Variants in EFNB2 observed in about 807,000 individuals in gnomAD.
EFNB2 encodes ephrin B2, also known as ephrin-B2.
Under a neutral mutation model 32.1 loss-of-function variants are expected in EFNB2, and 5 were observed. That is an observed-to-expected ratio of 0.16 (90% confidence interval 0.08 to 0.33). EFNB2 has a LOEUF of 0.33. Among genes scored for constraint, EFNB2 ranks in the 10% least tolerant of loss-of-function variants. The pLI, the probability that EFNB2 is intolerant of heterozygous loss-of-function variation, is 1.00. For synonymous variants in EFNB2, 168 were observed against 166.5 expected, an observed-to-expected ratio of 1.01 and a Z score of -0.07; for missense variants, 263 against 422.6, an observed-to-expected ratio of 0.62 and a Z score of 3.31.
intron 1 of EFNB2, among the ~76,000 whole-genome samples, chr13:106,533,989 T>A (rs1335080145): frequency 1.3e-5 from 2 of 152,192 alleles, no homozygotes; most frequent in African/African-American, 4.8e-5. Context: ...CGCTCCCGGC[T>A]GTAGAGTCCG....
At chr13:106,495,471 A>ATATC (rs367670305) in intron 3 of EFNB2, among the ~76,000 whole-genome samples, 6,025 of 149,364 alleles carry the variant, frequency 0.04, 178 homozygotes, top group African/African-American at 0.088. Context: ...TTAAAAAGAA[A>ATATC]TATCTATCTA....
chr13:106,503,312 G>T (rs1021206987), intron 2 of EFNB2, among the ~76,000 whole-genome samples: 5 of 152,068 alleles, frequency 3.3e-5, no homozygotes, highest in Non-Finnish European at 2.9e-5. Context: ...TAATTTAAGG[G>T]ACCGTTTCTT....
Position 106,490,477 on chromosome 13 carries a change from C to T in EFNB2, c.*2563G>A, listed in dbSNP as rs910716780. The T allele has an allele frequency of 6.6e-6, 1 of 152,206 alleles. No homozygotes were observed. Among genetic ancestry groups the T allele is most frequent in the Non-Finnish European group, 1.5e-5 (1 of 68,036 alleles). The allele number at this position is 152,206 out of a possible 1,614,324, so 9.4% of individuals were successfully genotyped here. A position where few individuals can be genotyped will look rare whatever the true frequency, so the allele number is the denominator to read the frequency against. On this transcript the variant is annotated 3_prime_UTR_variant, in exon 5 of 5. Coordinates refer to ENST00000646441, the MANE Select transcript of EFNB2 (RefSeq NM_004093.4). Reference sequence around the variant, plus strand: ...ACACTTTTCAATTGGTTGCAGGGAACTCTTTTATCAATTCATCTGATTTTT... The same window carrying T: ...ACACTTTTCAATTGGTTGCAGGGAATTCTTTTATCAATTCATCTGATTTTT...
intron 1 of EFNB2, 105 bp downstream of exon 1, chr13:106,534,738 T>C: frequency 7.4e-7 from 1 of 1,358,260 alleles, no homozygotes; most frequent in Non-Finnish European, 9.8e-7. Context: ...GGAACCGAGG[T>C]TCCAGAAACA....
At position 106,490,858 on chromosome 13, in the gene EFNB2, G is replaced by A. The variant is rs189418599; in HGVS notation, c.*2182C>T. The A allele has an allele frequency of 1.3e-5, 2 of 152,538 alleles. No individual in the cohort carries two copies. Among genetic ancestry groups the A allele is most frequent in the African/African-American group, 4.8e-5 (2 of 41,490 alleles). The allele number at this position is 152,538 out of a possible 1,614,324, so 9.4% of individuals were successfully genotyped here. On this transcript the variant is annotated 3_prime_UTR_variant, in exon 5 of 5. Coordinates refer to ENST00000646441, the MANE Select transcript of EFNB2 (RefSeq NM_004093.4). ...TGGACCAACATCATTTCCAGGTTCA[G>A]GAAATAGAGGATCATAATTTCTGTG... is the stretch of plus-strand genomic sequence containing the variant.
intron 1 of EFNB2, chr13:106,516,368 C>T (rs1364202297): frequency 6.6e-6 from 1 of 152,270 alleles, no homozygotes; most frequent in Non-Finnish European, 1.5e-5. Context: ...ACCTCCAGAA[C>T]CACTAATAAT....
In EFNB2 at chr13:106,534,942, A is replaced by C; in HGVS notation, c.23T>G (p.Val8Gly). Residue 8 changes from valine to glycine, a missense_variant, in exon 1 of 5, where the codon GTG (valine) becomes GGG (glycine). By Grantham distance (109) the Val-to-Gly change is moderately radical. Coordinates refer to ENST00000646441, the MANE Select transcript of EFNB2 (RefSeq NM_004093.4). ...CAAAACACCCCAGCAGTACTTCCACACGGAGTCCCTTCTCACAGCCATGGC... is the reference window on the plus strand; with the variant it reads ...CAAAACACCCCAGCAGTACTTCCACCCGGAGTCCCTTCTCACAGCCATGGC... MAVRRDS[V>G]WKYCWGVLMV... The C allele has an allele frequency of 6.2e-7, 1 of 1,613,350 alleles. No individual in the cohort carries two copies. Among genetic ancestry groups the C allele is most frequent in the African/African-American group, 1.3e-5 (1 of 75,032 alleles).
intron 1 of EFNB2, among the ~76,000 whole-genome samples, chr13:106,522,355 T>C (rs1879551737): frequency 6.6e-6 from 1 of 152,192 alleles, no homozygotes; most frequent in Non-Finnish European, 1.5e-5. Context: ...CAAGAGTCTA[T>C]AAAGGAAGGT....
At chr13:106,498,898 A>G (rs1878679899) in intron 2 of EFNB2, among the ~76,000 whole-genome samples, 1 of 152,168 alleles carries the variant, frequency 6.6e-6, no homozygotes, top group Non-Finnish European at 1.5e-5. Context: ...GTGACTTGCA[A>G]AGGGTACTGG....
intron 2 of EFNB2, among the ~76,000 whole-genome samples, chr13:106,504,255 T>C (rs1363245009): frequency 6.6e-6 from 1 of 152,234 alleles, no homozygotes; most frequent in Non-Finnish European, 1.5e-5. Context: ...AATGACCCAG[T>C]AATTGCGAGA....
rs893787101 is a variant in EFNB2, at chr13:106,492,862, G to A, written c.*178C>T. The A allele has an allele frequency of 7.8e-5, 61 of 784,858 alleles. No individual in the cohort carries two copies. The Middle Eastern group carries it at 1.6e-3, about 20-fold the overall frequency. The allele number at this position is 784,858 out of a possible 1,614,324, so 48.6% of individuals were successfully genotyped here. ...GGGAGCGTGTGTGTTCACCAAGGCC[G>A]AATGCTACAAGACTAGGTAAGCTGT... On this transcript the variant is annotated 3_prime_UTR_variant, in exon 5 of 5. Transcript: ENST00000646441. This position sits in a 1 kb window ranked among gnomAD's most constrained non-coding sequence, Gnocchi z 5.1.
At chr13:106,517,754 G>GA (rs1226010551) in intron 1 of EFNB2, 1 of 152,148 alleles carries the variant, frequency 6.6e-6, no homozygotes, top group Non-Finnish European at 1.5e-5. Context: ...ATCAAATATA[G>GA]ACACAATATA....
Position 106,535,195 on chromosome 13 carries a change from A to T in EFNB2, c.-231T>A, listed in dbSNP as rs868624055. ...CGCGCGGGGCGCGGCGGCGCGGCGG[A>T]CTCGGGGTTCCGGGGCGCCGCGCCG... On this transcript the variant is annotated 5_prime_UTR_variant, in exon 1 of 5. Coordinates refer to ENST00000646441, the MANE Select transcript of EFNB2 (RefSeq NM_004093.4). The T allele has an allele frequency of 1.7e-5, 3 of 180,246 alleles. No homozygotes were observed. Among genetic ancestry groups the T allele is most frequent in the Admixed American group, 6.7e-5 (1 of 14,976 alleles). The allele number at this position is 180,246 out of a possible 1,614,324, so 11.2% of individuals were successfully genotyped here.
intron 1 of EFNB2, among the ~76,000 whole-genome samples, chr13:106,523,654 T>A (rs1381505148): frequency 6.6e-6 from 1 of 152,098 alleles, no homozygotes; most frequent in East Asian, 1.9e-4. Context: ...CCACCAATAT[T>A]CACCGCCTGG....
chr13:106,514,250 G>C (rs1879242561), intron 1 of EFNB2, among the ~76,000 whole-genome samples: 2 of 151,892 alleles, frequency 1.3e-5, no homozygotes, highest in South Asian at 2.1e-4. Context: ...AACTCAAAAC[G>C]AATTTTTATA....
chr13:106,523,818 TG>T (rs1267074770), intron 1 of EFNB2, among the ~76,000 whole-genome samples: 1 of 152,212 alleles, frequency 6.6e-6, no homozygotes, highest in Non-Finnish European at 1.5e-5. Flanking sequence ...AGCTGGAAGC[TG>T]GCACGGATCC....
intron 2 of EFNB2, among the ~76,000 whole-genome samples, chr13:106,500,581 T>A (rs1364762554): frequency 2.0e-5 from 3 of 152,202 alleles, no homozygotes; most frequent in Non-Finnish European, 4.4e-5. Flanking sequence ...TCCAGGGTCA[T>A]GAAAACCACA....
At position 106,492,695 on chromosome 13, in the gene EFNB2, C is replaced by T; in HGVS notation, c.*345G>A. The T allele has an allele frequency of 4.6e-6, 1 of 216,966 alleles. No individual in the cohort carries two copies. Among genetic ancestry groups the T allele is most frequent in the Non-Finnish European group, 9.3e-6 (1 of 107,284 alleles). 13.4% of individuals were successfully genotyped at this position (216,966 alleles called of 1,614,324 possible). ...CCTGGGGCACCTGCCAGGATGCTCACAGCCCTCTCGTCCACAAACCACTGT... is the reference window on the plus strand; with the variant it reads ...CCTGGGGCACCTGCCAGGATGCTCATAGCCCTCTCGTCCACAAACCACTGT... On this transcript the variant is annotated 3_prime_UTR_variant, in exon 5 of 5. Coordinates refer to ENST00000646441, the MANE Select transcript of EFNB2 (RefSeq NM_004093.4). The surrounding 1 kb of genome is among the most constrained non-coding windows in gnomAD (Gnocchi z 5.1).
intron 1 of EFNB2, among the ~76,000 whole-genome samples, chr13:106,513,152 T>A (rs1307728982): frequency 6.6e-6 from 1 of 152,192 alleles, no homozygotes; most frequent in African/African-American, 2.4e-5. Flanking sequence ...GAGTCAGATC[T>A]CCCACATGTT....
Sources: gnomAD v4.1 joint callset for allele counts (sites outside exome capture counted in the v4.1 genomes callset) on GRCh38, gnomAD v4.1.1 for gene constraint, Gnocchi (gnomAD v3.1) non-coding constraint, MANE v1.5 for transcripts, NCBI Gene and HGNC (gene_info 2026-07-23, HGNC 2026-07-21) for gene names.